Variants in ZNF462 observed in about 807,000 individuals in gnomAD.
ZNF462 encodes zinc finger PBX1-interacting protein.
ZNF462 carries 10 observed loss-of-function variants against 201.9 expected under a neutral mutation model. The observed-to-expected ratio is 0.05, with a 90% confidence interval of 0.03 to 0.08. The LOEUF (loss-of-function observed/expected upper bound fraction) is 0.08, where lower values mean the gene tolerates loss of function less well. Ranked by LOEUF, ZNF462 falls within the 10% of genes least tolerant of loss-of-function variation. The probability of loss-of-function intolerance (pLI) is 1.00; values close to 1 mark genes in which losing one functional copy is unlikely to be tolerated. For synonymous variants in ZNF462, 1,227 were observed against 1,193.3 expected, an observed-to-expected ratio of 1.03 and a Z score of -0.58; for missense variants, 2,523 against 3,168.3, an observed-to-expected ratio of 0.80 and a Z score of 4.89.
intron 7 of ZNF462, among the ~76,000 whole-genome samples, chr9:106,951,089 C>CAA (rs113029598): frequency 3.6e-5 from 5 of 140,742 alleles, no homozygotes; most frequent in East Asian, 2.0e-4. Flanking sequence ...AACTCCATCT[C>CAA]AAAAAAAAAA....
chr9:106,935,765 C>T lies in ZNF462; in HGVS notation c.6235+144C>T. Reference sequence around the variant, plus strand: ...GATGTATATTCAGTTTTATTTTTACCTAGTAAAGAAAAAATAAAGAAAAAA... The same window carrying T: ...GATGTATATTCAGTTTTATTTTTACTTAGTAAAGAAAAAATAAAGAAAAAA... On this transcript the variant is annotated intron_variant, in intron 6 of 12. Transcript: ENST00000277225. The surrounding 1 kb of genome is among the most constrained non-coding windows in gnomAD (Gnocchi z 4.1). The T allele has an allele frequency of 3.4e-6, 2 of 583,654 alleles. No homozygotes were observed. Among genetic ancestry groups the T allele is most frequent in the South Asian group, 8.2e-5 (2 of 24,356 alleles). 36.2% of individuals were successfully genotyped at this position (583,654 alleles called of 1,614,324 possible).
In ZNF462 at chr9:106,993,137, T is replaced by G. The variant is rs539603874; in HGVS notation, c.7056+8728T>G. 2.0e-5 allele frequency among the ~76,000 whole-genome samples: 3 copies of G among 152,266 alleles called. No individual in the cohort carries two copies. In the East Asian group the frequency reaches 5.8e-4, roughly 29 times the overall value. ...AACTATAAGACACGTAGAATGTATTTTCAGTTAAAGGATTTCATTAAAAAG... is the reference window on the plus strand; with the variant it reads ...AACTATAAGACACGTAGAATGTATTGTCAGTTAAAGGATTTCATTAAAAAG... On this transcript the variant is annotated intron_variant, in intron 10 of 12. Coordinates refer to ENST00000277225, the MANE Select transcript of ZNF462 (RefSeq NM_021224.6). The surrounding 1 kb of genome is among the most constrained non-coding windows in gnomAD (Gnocchi z 4.0).
At chr9:107,007,206 A>C (rs1829611170) in intron 11 of ZNF462, among the ~76,000 whole-genome samples, 1 of 152,242 alleles carries the variant, frequency 6.6e-6, no homozygotes, top group African/African-American at 2.4e-5. Flanking sequence ...TATAAAGGCA[A>C]AATACCCTTC....
chr9:106,984,028 G>A lies in ZNF462; in HGVS notation c.6833-158G>A, dbSNP rs189627596. Among the ~76,000 whole-genome samples the A allele has an allele frequency of 6.6e-6, 1 of 152,276 alleles. No individual in the cohort carries two copies. Among genetic ancestry groups the A allele is most frequent in the African/African-American group, 2.4e-5 (1 of 41,558 alleles). On this transcript the variant is annotated intron_variant, in intron 9 of 12. Transcript: ENST00000277225. The surrounding 1 kb of genome is among the most constrained non-coding windows in gnomAD (Gnocchi z 6.4). ...CATTCCTGAGGAATATGTTGTTTGG[G>A]GGTTAGGGGAGGGGCAGGGTGCATG...
intron 10 of ZNF462, among the ~76,000 whole-genome samples, chr9:106,987,027 A>AGATAGATAGAT (rs1465423559): frequency 6.7e-6 from 1 of 148,626 alleles, no homozygotes; most frequent in East Asian, 2.2e-4. Flanking sequence ...ATAGATAGAT[A>AGATAGATAGAT]GATAGATAGA....
At chr9:106,893,626 G>C (rs752778104) in intron 1 of ZNF462, among the ~76,000 whole-genome samples, 11 of 152,208 alleles carry the variant, frequency 7.2e-5, no homozygotes, top group Non-Finnish European at 1.2e-4. Flanking sequence ...AAAGCAACAG[G>C]CTCTGATGGA....
At chr9:106,988,130 C>T (rs910503343) in intron 10 of ZNF462, among the ~76,000 whole-genome samples, 6 of 152,100 alleles carry the variant, frequency 3.9e-5, no homozygotes, top group Admixed American at 2.6e-4. Context: ...CTGATAAAGA[C>T]GTACCTGAGA....
chr9:106,924,707 A>G lies in ZNF462; in HGVS notation c.795A>G (p.Lys265=), dbSNP rs376629501. Residue 265 remains lysine, a synonymous_variant, in exon 3 of 13, where the codon AAA becomes AAG. Coordinates refer to ENST00000277225, the MANE Select transcript of ZNF462 (RefSeq NM_021224.6). This position sits in a 1 kb window ranked among gnomAD's most constrained non-coding sequence, Gnocchi z 6.2. ...RERWCDHMMK[K]HRSMVKILSS... is the part of the protein sequence containing the mutation. ...GCTGGTGTGACCACATGATGAAGAA[A>G]CACCGCAGTATGGTCAAGATCCTTT... 1.1e-5 allele frequency: 18 copies of G among 1,613,938 alleles called. No individual in the cohort carries two copies. The highest frequency in any genetic ancestry group is 1.4e-5 in the Non-Finnish European group (16 of 1,179,998).
Position 106,902,147 on chromosome 9 carries a change from G to A in ZNF462, c.-30-21207G>A, listed in dbSNP as rs139936293. On this transcript the variant is annotated intron_variant, in intron 1 of 12. Coordinates refer to ENST00000277225, the MANE Select transcript of ZNF462 (RefSeq NM_021224.6). The surrounding 1 kb of genome is among the most constrained non-coding windows in gnomAD (Gnocchi z 4.2). ...TCATAAAGGGATGCTGGATTTTGTC[G>A]AATGCTTTTTCTGCCTCTATTGAGA... 2.2e-4 allele frequency among the ~76,000 whole-genome samples: 33 copies of A among 152,092 alleles called. No individual in the cohort carries two copies. The East Asian group carries it at 5.6e-3, about 26-fold the overall frequency.
upstream of ZNF462, among the ~76,000 whole-genome samples, chr9:106,862,809 T>C (rs1827112739): frequency 6.6e-6 from 1 of 152,154 alleles, no homozygotes; most frequent in Non-Finnish European, 1.5e-5. The surrounding 1 kb of genome is among the most constrained non-coding windows in gnomAD (Gnocchi z 4.2). Context: ...TCTTCCTCTT[T>C]TTTCCCCTAG....
chr9:106,908,061 T>C (rs1421468403), intron 1 of ZNF462, among the ~76,000 whole-genome samples: 3 of 152,088 alleles, frequency 2.0e-5, no homozygotes, highest in Non-Finnish European at 2.9e-5. Flanking sequence ...AGAAATTGTG[T>C]ACTATTTTTT....
intron 7 of ZNF462, among the ~76,000 whole-genome samples, chr9:106,947,535 G>A (rs552898293): frequency 6.6e-6 from 1 of 152,238 alleles, no homozygotes; most frequent in African/African-American, 2.4e-5. Context: ...TAACGGTTCT[G>A]CATGTCTCTT....
chr9:106,892,173 C>A (rs887638257), intron 1 of ZNF462, among the ~76,000 whole-genome samples: 4 of 152,124 alleles, frequency 2.6e-5, no homozygotes, highest in African/African-American at 4.8e-5. Context: ...TTATTAGCAG[C>A]TGGTTTAATA....
In ZNF462 at chr9:106,974,363, C is replaced by T. The variant is rs1418185192; in HGVS notation, c.6832+90C>T. ...GGATGCTCTCTCAGAGTGGCAGTAG[C>T]ACCTGTGCCTTGTTCCTCACCTTAT... On this transcript the variant is annotated intron_variant, in intron 9 of 12. Transcript: ENST00000277225. The surrounding 1 kb of genome is among the most constrained non-coding windows in gnomAD (Gnocchi z 4.0). 2 of 1,575,986 alleles carry T rather than the reference C, an allele frequency of 1.3e-6. No individual in the cohort carries two copies. Among genetic ancestry groups the T allele is most frequent in the East Asian group, 2.2e-5 (1 of 44,682 alleles).
At chr9:106,971,922 G>T (rs1826638402) in intron 7 of ZNF462, 83 bp from the exon 8 acceptor site, 10 of 1,508,430 alleles carry the variant, frequency 6.6e-6, no homozygotes, top group Non-Finnish European at 1.8e-6. Flanking sequence ...AGGGTAAAAA[G>T]AAACCTGATG....
Position 106,886,902 on chromosome 9 carries a change from G to A in ZNF462, c.-31+23547G>A, listed in dbSNP as rs1357393872. Among the ~76,000 whole-genome samples, 4 of 152,050 alleles carry A rather than the reference G, an allele frequency of 2.6e-5. No individual in the cohort carries two copies. Among genetic ancestry groups the A allele is most frequent in the Non-Finnish European group, 5.9e-5 (4 of 68,008 alleles). On this transcript the variant is annotated intron_variant, in intron 1 of 12. Coordinates refer to ENST00000277225, the MANE Select transcript of ZNF462 (RefSeq NM_021224.6). The surrounding 1 kb of genome is among the most constrained non-coding windows in gnomAD (Gnocchi z 4.6). ...GAAAAGAGTGTGGAGATCAAGCAGA[G>A]AAGTCTGCAATAGGCGGGAGAGGGT...
At position 107,010,387 on chromosome 9, in the gene ZNF462, A is replaced by C. The variant is rs747810334; in HGVS notation, c.7314-436A>C. ...TTCGTGATTTGTTTCGGGACCTGAC[A>C]AATAAATCTTTAGTACCTGAGTTAC... On this transcript the variant is annotated intron_variant, in intron 12 of 12. Coordinates refer to ENST00000277225, the MANE Select transcript of ZNF462 (RefSeq NM_021224.6). The surrounding 1 kb of genome is among the most constrained non-coding windows in gnomAD (Gnocchi z 4.6). Among the ~76,000 whole-genome samples the C allele has an allele frequency of 2.0e-4, 31 of 152,122 alleles. No individual in the cohort carries two copies. The highest frequency in any genetic ancestry group is 7.4e-5 in the Non-Finnish European group (5 of 68,012).
chr9:106,875,874 C>G (rs1321490600), intron 1 of ZNF462, among the ~76,000 whole-genome samples: 2 of 152,170 alleles, frequency 1.3e-5, no homozygotes. Flanking sequence ...CAACTAGGAA[C>G]TCAGCTACTG....
intron 11 of ZNF462, among the ~76,000 whole-genome samples, chr9:107,007,921 C>G (rs182968981): frequency 5.8e-4 from 88 of 152,244 alleles, no homozygotes; most frequent in Admixed American, 3.3e-3. Flanking sequence ...GAACATTATT[C>G]CTCTTGTTGG....
Sources: gnomAD v4.1 joint callset for allele counts (sites outside exome capture counted in the v4.1 genomes callset) on GRCh38, gnomAD v4.1.1 for gene constraint, Gnocchi (gnomAD v3.1) non-coding constraint, MANE v1.5 for transcripts, NCBI Gene and HGNC (gene_info 2026-07-23, HGNC 2026-07-21) for gene names.